Variants in MGST1 observed in about 807,000 individuals in gnomAD.
The protein encoded by MGST1 is glutathione S-transferase 12.
MGST1 carries 5 observed loss-of-function variants against 8.9 expected under a neutral mutation model. The observed-to-expected ratio is 0.56, with a 90% CI of 0.29 to 1.19. The LOEUF (loss-of-function observed/expected upper bound fraction) is 1.19. MGST1 is among the 50% of genes most tolerant of loss of function. The pLI, the probability that MGST1 is intolerant of heterozygous loss-of-function variation, is 0.08. For missense variants in MGST1, 182 were observed against 187.4 expected (o/e 0.97, Z 0.17); for synonymous variants, 54 against 67.8 (o/e 0.80, Z 1.00).
chr12:16,569,000 G>C (rs1942717350), intron 4 of MGST1, among the ~76,000 whole-genome samples: 1 of 152,142 alleles, frequency 6.6e-6, no homozygotes, highest in Non-Finnish European at 1.5e-5. Context: ...AATCATTATA[G>C]CTCTCTCATA....
At chr12:16,431,748 A>G (rs563082522) in intron 1 of MGST1, among the ~76,000 whole-genome samples, 160 of 152,324 alleles carry the variant, frequency 1.1e-3, no homozygotes, top group Non-Finnish European at 1.9e-3. Context: ...CAGGAAGTGA[A>G]TGCATGCTGT....
In MGST1 at chr12:16,517,106, C is replaced by T. The variant is rs538501481; in HGVS notation, n.483-72422C>T. Among the ~76,000 whole-genome samples the T allele has an allele frequency of 1.8e-4, 27 of 151,984 alleles. No individual in the cohort carries two copies. In the East Asian group the frequency reaches 3.7e-3, roughly 21 times the overall value. On this transcript the variant is annotated intron_variant and non_coding_transcript_variant, in intron 4 of 4. Coordinates refer to the MGST1 transcript ENST00000538857. The surrounding 1 kb of genome is among the most constrained non-coding windows in gnomAD (Gnocchi z 4.2). Reference sequence around the variant, plus strand: ...ACATTAAAAAAAATCAATATGTAACCTGAGAAGCGATATGCAAAGTCATTG... The same window carrying T: ...ACATTAAAAAAAATCAATATGTAACTTGAGAAGCGATATGCAAAGTCATTG...
intron 4 of MGST1, among the ~76,000 whole-genome samples, chr12:16,467,004 A>G (rs1333333831): frequency 1.3e-5 from 2 of 151,988 alleles, no homozygotes. Flanking sequence ...GTGGATGCCT[A>G]TGTCTGCTAT....
chr12:16,402,016 C>G (rs1357275401), intron 1 of MGST1: 1 of 1,603,436 alleles, frequency 6.2e-7, no homozygotes, highest in Non-Finnish European at 8.5e-7. Flanking sequence ...TTGCTGAACA[C>G]TCCAATCTTC....
intron 4 of MGST1, among the ~76,000 whole-genome samples, chr12:16,526,889 C>T (rs1941690591): frequency 1.3e-5 from 2 of 151,904 alleles, no homozygotes; most frequent in Non-Finnish European, 2.9e-5. Context: ...ATTATAAAAT[C>T]ATGTTTTACT....
intron 1 of MGST1, among the ~76,000 whole-genome samples, chr12:16,435,779 T>G (rs1940979872): frequency 6.6e-6 from 1 of 151,940 alleles, no homozygotes; most frequent in African/African-American, 2.4e-5. Context: ...AATTAAAAGT[T>G]GTACATGATT....
intron 4 of MGST1, among the ~76,000 whole-genome samples, chr12:16,568,007 G>A (rs1942676466): frequency 6.6e-6 from 1 of 152,124 alleles, no homozygotes; most frequent in African/African-American, 2.4e-5. Flanking sequence ...GAGGGAGAAA[G>A]AATATTTAAC....
At chr12:16,461,331 C>T (rs1941219805) in intron 4 of MGST1, among the ~76,000 whole-genome samples, 1 of 152,070 alleles carries the variant, frequency 6.6e-6, no homozygotes, top group Non-Finnish European at 1.5e-5. Context: ...CTGCATTTGA[C>T]TTATATAGTT....
chr12:16,462,406 C>G (rs1193604624), intron 4 of MGST1, among the ~76,000 whole-genome samples: 1 of 152,110 alleles, frequency 6.6e-6, no homozygotes, highest in Non-Finnish European at 1.5e-5. Context: ...CTACAGAGGA[C>G]AGCATTTGCT....
intron 4 of MGST1, among the ~76,000 whole-genome samples, chr12:16,494,950 A>G (rs951138358): frequency 2.0e-5 from 3 of 152,158 alleles, no homozygotes; most frequent in East Asian, 1.9e-4. Flanking sequence ...AAACCAGTGT[A>G]CAGCAACAAA....
At chr12:16,440,786 G>T (rs1231630069), downstream of MGST1, among the ~76,000 whole-genome samples, 1 of 151,662 alleles carries the variant, frequency 6.6e-6, no homozygotes, top group African/African-American at 2.4e-5. Flanking sequence ...TTGAGTTATA[G>T]AATTGGTTTT....
intron 4 of MGST1, among the ~76,000 whole-genome samples, chr12:16,484,622 G>T (rs961066190): frequency 6.6e-5 from 10 of 152,068 alleles, no homozygotes; most frequent in Non-Finnish European, 1.5e-4. Context: ...TGTCTTATAT[G>T]GCTGGAGCAG....
chr12:16,409,624 CA>C (rs1277653856), intron 1 of MGST1, among the ~76,000 whole-genome samples: 2 of 152,108 alleles, frequency 1.3e-5, no homozygotes, highest in African/African-American at 4.8e-5. Context: ...GAAGTGTAAG[CA>C]AATGGCTTCT....
At chr12:16,566,308 G>C (rs1942607991) in intron 4 of MGST1, among the ~76,000 whole-genome samples, 1 of 151,710 alleles carries the variant, frequency 6.6e-6, no homozygotes, top group South Asian at 2.1e-4. Flanking sequence ...ACAGTTAAGA[G>C]AAATAAGTTC....
rs1409404281 is a variant in MGST1, at chr12:16,537,643, T to G, written n.483-51885T>G. Among the ~76,000 whole-genome samples, 2 of 152,228 alleles carry G rather than the reference T, an allele frequency of 1.3e-5. No homozygotes were observed. Among genetic ancestry groups the G allele is most frequent in the African/African-American group, 4.8e-5 (2 of 41,460 alleles). On this transcript the variant is annotated intron_variant and non_coding_transcript_variant, in intron 4 of 4. Transcript: ENST00000538857. This position sits in a 1 kb window ranked among gnomAD's most constrained non-coding sequence, Gnocchi z 4.6. ...AGGTTCCCAAACCTCAATTCTTGAC[T>G]TCTGTGCACCTGCAGACTCAACACC...
Position 16,401,674 on chromosome 12 carries a change from C to A in MGST1, n.778+18070C>A. On this transcript the variant is annotated intron_variant and non_coding_transcript_variant, in intron 1 of 1. Coordinates refer to the MGST1 transcript ENST00000359720. The surrounding 1 kb of genome is among the most constrained non-coding windows in gnomAD (Gnocchi z 4.3). ...CTGAACTTGAGATTATAGTTGCCAC[C>A]ACTCTGAATGATAGGAGGGTAACAC... The A allele has an allele frequency of 6.2e-7, 1 of 1,603,136 alleles. No individual in the cohort carries two copies. The highest frequency in any genetic ancestry group is 8.5e-7 in the Non-Finnish European group (1 of 1,169,998).
chr12:16,473,801 G>C (rs1941303363), intron 4 of MGST1, among the ~76,000 whole-genome samples: 1 of 151,980 alleles, frequency 6.6e-6, no homozygotes, highest in African/African-American at 2.4e-5. Context: ...GGATGACTTG[G>C]GCCTGGGAGG....
chr12:16,347,128 A>G (rs1302930327), upstream of MGST1: 2 of 152,176 alleles, frequency 1.3e-5, no homozygotes, highest in East Asian at 3.9e-4. This position sits in a 1 kb window ranked among gnomAD's most constrained non-coding sequence, Gnocchi z 4.0. Flanking sequence ...CTGGACCCTG[A>G]ACAGGAGGGG....
chr12:16,588,622 C>A (rs1358785712), intron 4 of MGST1, among the ~76,000 whole-genome samples: 2 of 152,066 alleles, frequency 1.3e-5, no homozygotes, highest in African/African-American at 4.8e-5. Context: ...ATATAAAGCA[C>A]ACTACAATCT....
Sources: gnomAD v4.1 joint callset for allele counts (sites outside exome capture counted in the v4.1 genomes callset) on GRCh38, gnomAD v4.1.1 for gene constraint, Gnocchi (gnomAD v3.1) non-coding constraint, MANE v1.5 for transcripts, NCBI Gene and HGNC (gene_info 2026-07-23, HGNC 2026-07-21) for gene names.